Variants in SPIDR observed in about 807,000 individuals in gnomAD.
SPIDR encodes scaffold protein involved in DNA repair.
Under a neutral mutation model 104.6 loss-of-function variants are expected in SPIDR, and 93 were observed. That is an observed-to-expected ratio of 0.89 (90% CI 0.75 to 1.06). The LOEUF is 1.06. Among genes scored for constraint, SPIDR ranks in the 50% least tolerant of loss-of-function variants. SPIDR has a pLI of 0.00. For synonymous variants in SPIDR, 431 were observed against 416.9 expected (o/e 1.03, Z -0.41); for missense variants, 1,154 against 1,111.2 (o/e 1.04, Z -0.55).
At chr8:47,724,363 A>T (rs985597717) in intron 16 of SPIDR, among the ~76,000 whole-genome samples, 3 of 152,090 alleles carry the variant, frequency 2.0e-5, no homozygotes, top group African/African-American at 7.2e-5. Flanking sequence ...GCAGTGACCT[A>T]CTCCTACACA....
At chr8:47,317,951 A>C (rs2045736788) in intron 5 of SPIDR, among the ~76,000 whole-genome samples, 1 of 152,206 alleles carries the variant, frequency 6.6e-6, no homozygotes, top group Non-Finnish European at 1.5e-5. Flanking sequence ...GTACGTCACT[A>C]TCATCAAAGA....
intron 8 of SPIDR, among the ~76,000 whole-genome samples, chr8:47,538,094 G>A (rs1373801456): frequency 6.6e-6 from 1 of 152,182 alleles, no homozygotes; most frequent in Non-Finnish European, 1.5e-5. Flanking sequence ...AGAATTGCTT[G>A]AACCTGGGAG....
intron 19 of SPIDR, among the ~76,000 whole-genome samples, chr8:47,733,674 G>A (rs1204254314): frequency 1.3e-5 from 2 of 152,004 alleles, no homozygotes; most frequent in African/African-American, 4.8e-5. Flanking sequence ...CAGTCCAGCA[G>A]CCTGGAGACT....
intron 7 of SPIDR, among the ~76,000 whole-genome samples, chr8:47,433,503 A>G (rs2067723883): frequency 6.6e-6 from 1 of 152,128 alleles, no homozygotes. Flanking sequence ...TAGGCAGAAC[A>G]TGAATGGGCT....
At chr8:47,313,682 C>T (rs1264574485) in intron 5 of SPIDR, among the ~76,000 whole-genome samples, 1 of 152,178 alleles carries the variant, frequency 6.6e-6, no homozygotes, top group Non-Finnish European at 1.5e-5. Flanking sequence ...GCTACAGTAA[C>T]CAAAACTGCA....
At chr8:47,563,277 C>G (rs1466846225) in intron 8 of SPIDR, among the ~76,000 whole-genome samples, 2 of 152,102 alleles carry the variant, frequency 1.3e-5, no homozygotes, top group African/African-American at 4.8e-5. Flanking sequence ...TCAAGCGATC[C>G]TCCTGCCTCG....
intron 19 of SPIDR, 147 bp downstream of exon 19, chr8:47,729,612 A>G: frequency 1.2e-6 from 1 of 836,022 alleles, no homozygotes; most frequent in South Asian, 1.8e-5. Context: ...AGTGAAATGC[A>G]GATATGTCTG....
chr8:47,276,301 A>G (rs2036414477), intron 1 of SPIDR, among the ~76,000 whole-genome samples: 1 of 152,236 alleles, frequency 6.6e-6, no homozygotes, highest in African/African-American at 2.4e-5. Context: ...GACCAAAGAA[A>G]AGCAGTATAC....
chr8:47,573,677 T>A (rs1258668874), intron 8 of SPIDR, among the ~76,000 whole-genome samples: 2 of 152,364 alleles, frequency 1.3e-5, no homozygotes, highest in East Asian at 3.9e-4. Context: ...GCTGTAGAGA[T>A]GCAGTTTTCC....
chr8:47,612,749 G>A (rs1438088031), intron 10 of SPIDR, among the ~76,000 whole-genome samples: 1 of 152,178 alleles, frequency 6.6e-6, no homozygotes, highest in Non-Finnish European at 1.5e-5. Flanking sequence ...TGACTCATCT[G>A]TCACCTCTGC....
intron 11 of SPIDR, among the ~76,000 whole-genome samples, chr8:47,685,998 G>A (rs1045580480): frequency 1.3e-5 from 2 of 152,252 alleles, no homozygotes; most frequent in Non-Finnish European, 2.9e-5. Flanking sequence ...TATACACAAG[G>A]AAAGGGAGGG....
intron 7 of SPIDR, among the ~76,000 whole-genome samples, chr8:47,413,107 G>C (rs1350513110): frequency 6.6e-6 from 1 of 152,234 alleles, no homozygotes; most frequent in Non-Finnish European, 1.5e-5. Flanking sequence ...TTAGCTTTGT[G>C]TTGGGTTGTG....
intron 5 of SPIDR, among the ~76,000 whole-genome samples, chr8:47,310,938 GAC>G (rs2044041585): frequency 1.3e-5 from 2 of 152,228 alleles, no homozygotes; most frequent in South Asian, 4.1e-4. Flanking sequence ...ATATTCAGTA[GAC>G]ACACACATAC....
chr8:47,674,092 CTATAAAG>C, intron 11 of SPIDR, 151 bp downstream of exon 11: 1 of 868,008 alleles, frequency 1.2e-6, no homozygotes, highest in Non-Finnish European at 1.7e-6. Context: ...TGAGTGGAAT[CTATAAAG>C]TATCTTTAGG....
rs769244843 is a variant in SPIDR, at chr8:47,728,982, C to G, written c.2485C>G (p.Leu829Val). The change falls in exon 18 of 20, where the codon CTC becomes GTC. Residue 829 changes from leucine to valine, a missense_variant. Leu to Val is a conservative substitution (Grantham distance 32). Transcript: ENST00000297423. Reference protein sequence around the residue: ...DCSRVVTSPVLKRHLQVFLDC... With the variant: ...DCSRVVTSPVVKRHLQVFLDC... ...CTCCCGGGTGGTCACATCTCCTGTT[C>G]TCAAGAGGCACCTGCAGGTCTTCCT... 1.9e-6 allele frequency: 3 copies of G among 1,613,960 alleles called. No individual in the cohort carries two copies. The highest frequency in any genetic ancestry group is 1.1e-5 in the South Asian group (1 of 91,082).
intron 10 of SPIDR, among the ~76,000 whole-genome samples, chr8:47,621,123 A>AT (rs1484554260): frequency 1.3e-5 from 2 of 150,412 alleles, no homozygotes; most frequent in African/African-American, 4.9e-5. Flanking sequence ...TGCCCAGCTA[A>AT]TTTTTTGTAT....
chr8:47,665,240 C>G (rs1588983876), intron 10 of SPIDR, among the ~76,000 whole-genome samples: 1 of 152,222 alleles, frequency 6.6e-6, no homozygotes, highest in Non-Finnish European at 1.5e-5. Flanking sequence ...CAGTGACAGT[C>G]TAGCTGACTT....
In SPIDR at chr8:47,668,584, A is replaced by AT. The variant is rs1159245145; in HGVS notation, c.1545-5217_1545-5216insT. Among the ~76,000 whole-genome samples the AT allele has an allele frequency of 6.6e-5, 10 of 152,358 alleles. No homozygotes were observed. The South Asian group carries it at 2.1e-3, about 32-fold the overall frequency. ...AATAAAAGCAAACATTAGTGACTAT[A>AT]AAACATTCAAGACTTTTTCTTTAAA... On this transcript the variant is annotated intron_variant, in intron 10 of 19. Coordinates refer to ENST00000297423, the MANE Select transcript of SPIDR (RefSeq NM_001080394.4).
At chr8:47,573,486 C>T (rs555128801) in intron 8 of SPIDR, among the ~76,000 whole-genome samples, 7 of 152,132 alleles carry the variant, frequency 4.6e-5, no homozygotes, top group Non-Finnish European at 1.0e-4. Context: ...CTGCAAGATA[C>T]CCCCCTGCTG....
Sources: gnomAD v4.1 joint callset for allele counts (sites outside exome capture counted in the v4.1 genomes callset) on GRCh38, gnomAD v4.1.1 for gene constraint, MANE v1.5 for transcripts, NCBI Gene and HGNC (gene_info 2026-07-23, HGNC 2026-07-21) for gene names.